ARHGAP9: variants seen among roughly 807,000 people sequenced by gnomAD.
ARHGAP9 encodes rho GTPase-activating protein 9.
ARHGAP9 carries 76 observed loss-of-function variants against 87.3 expected under a neutral mutation model. That is an observed-to-expected ratio of 0.87 (90% CI 0.72 to 1.05). The LOEUF (loss-of-function observed/expected upper bound fraction) is 1.05, where lower values mean the gene tolerates loss of function less well. Ranked by LOEUF, ARHGAP9 falls within the 50% of genes least tolerant of loss-of-function variation. ARHGAP9 has a pLI of 0.00. For synonymous variants in ARHGAP9, 382 were observed against 394.9 expected, an observed-to-expected ratio of 0.97 and a Z score of 0.39; for missense variants, 941 against 960.5, an observed-to-expected ratio of 0.98 and a Z score of 0.27.
In ARHGAP9 at chr12:57,475,533, G is replaced by T. The variant is rs1280457526; in HGVS notation, c.1394C>A (p.Ser465Ter). 1 of 1,605,640 alleles carries T rather than the reference G, an allele frequency of 6.2e-7. No homozygotes were observed. The highest frequency in any genetic ancestry group is 1.1e-5 in the South Asian group (1 of 89,950). The change falls in exon 11 of 18, where the codon TCG becomes TAG. Residue 465 changes from serine (S) to a stop codon, truncating the protein, a stop_gained. Coordinates refer to ENST00000393791, the MANE Select transcript of ARHGAP9 (RefSeq NM_032496.4). LOFTEE classifies it high-confidence loss of function. ...CAGCAGCGGCTTGGACACCAGCTCC[G>T]ACTCCTCTTCTTCGTCCTCCCCGGC... ...LSAGEDEEEE[S>*]ELVSKPLLRL...
In ARHGAP9 at chr12:57,488,727, C is replaced by T. The variant is rs550591262; in HGVS notation, c.-319G>A. The T allele has an allele frequency of 4.3e-6, 6 of 1,398,956 alleles. No homozygotes were observed. The African/African-American group carries it at 5.7e-5, about 13-fold the overall frequency. 86.7% of individuals were successfully genotyped at this position (1,398,956 alleles called of 1,614,324 possible). A position where few individuals can be genotyped will look rare whatever the true frequency, so the allele number is the denominator to read the frequency against. On this transcript the variant is annotated 5_prime_UTR_variant, in exon 1 of 21. Coordinates refer to the ARHGAP9 transcript ENST00000393797. The stretch of plus-strand genomic sequence containing the variant: ...GACCTTCAGATAATTATGAAGATAT[C>T]CCAGTTACTTTCAGTCGTTAAGTTC...
Position 57,474,457 on chromosome 12 carries a change from A to G in ARHGAP9, c.1749T>C (p.Asp583=), listed in dbSNP as rs369681835. The G allele has an allele frequency of 6.2e-7, 1 of 1,614,196 alleles. No homozygotes were observed. ...GCTGTTCTGGGAACACATACCTCCC[A>G]TCGGAGGTGACCGCACGCTCTGCAA... is the stretch of plus-strand genomic sequence containing the variant. The part of the protein sequence containing the change: ...LVDRERAVTS[D]GRYVFPEQPG... The change falls in exon 15 of 18, where the codon GAT becomes GAC. Residue 583 remains aspartate (D), a synonymous_variant. Coordinates refer to ENST00000393791, the MANE Select transcript of ARHGAP9 (RefSeq NM_032496.4).
At chr12:57,486,935 C>T (rs1449338285) in intron 1 of ARHGAP9, among the ~76,000 whole-genome samples, 2 of 150,736 alleles carry the variant, frequency 1.3e-5, no homozygotes, top group Non-Finnish European at 3.0e-5. Context: ...GATGAGACGT[C>T]GAGCTGTATA....
In ARHGAP9 at chr12:57,475,329, G is replaced by A; in HGVS notation, c.1514C>T (p.Pro505Leu). The stretch of plus-strand genomic sequence containing the variant: ...CCGCTCCTGCAGGCTTTGTAAGGGC[G>A]GTCTCTTCGCGATGAGCCGCTTTAG... ...NKLKRLIAKR[P>L]PLQSLQERGL... The change falls in exon 12 of 18, where the codon CCG (proline) becomes CTG (leucine). Residue 505 changes from proline (P) to leucine (L), a missense_variant. Transcript: ENST00000393791. 6.2e-7 allele frequency: 1 copy of A among 1,602,454 alleles called. No individual in the cohort carries two copies. The highest frequency in any genetic ancestry group is 8.5e-7 in the Non-Finnish European group (1 of 1,174,286).
At chr12:57,477,345 G>C (rs1377338786) in intron 4 of ARHGAP9, 76 bp from the exon 5 acceptor site, 1 of 1,511,896 alleles carries the variant, frequency 6.6e-7, no homozygotes, top group Non-Finnish European at 9.0e-7. Flanking sequence ...TCTTATACTT[G>C]GCTGATTCTT....
chr12:57,473,561 C>T (rs1779257850), intron 17 of ARHGAP9, 42 bp downstream of exon 17: 3 of 1,566,396 alleles, frequency 1.9e-6, no homozygotes, highest in African/African-American at 1.4e-5. Context: ...TTCCCCACTC[C>T]ACCTTTCCCC....
intron 3 of ARHGAP9, chr12:57,478,002 C>A: frequency 8.6e-7 from 1 of 1,164,330 alleles, no homozygotes; most frequent in South Asian, 1.6e-5. Context: ...GTGCCCCACC[C>A]TCACATCCTG....
chr12:57,486,741 C>T (rs1875440936), intron 1 of ARHGAP9, among the ~76,000 whole-genome samples: 2 of 149,038 alleles, frequency 1.3e-5, no homozygotes, highest in African/African-American at 2.4e-5. Context: ...AAAAATTAGC[C>T]GAGCGTGGTG....
chr12:57,479,667 G>T, intron 1 of ARHGAP9, 63 bp downstream of exon 1: 1 of 1,550,488 alleles, frequency 6.4e-7, no homozygotes, highest in Non-Finnish European at 8.7e-7. Flanking sequence ...CAGCAGGGCT[G>T]CATGGCCAGC....
rs1872151264 is a variant in ARHGAP9, at chr12:57,472,482, AC to A, written c.*34del. On this transcript the variant is annotated 3_prime_UTR_variant, in exon 18 of 18. Transcript: ENST00000393791. ...CACCAGCCTCTCACCACCAGAGATG[AC>A]CGGAAATATGTTTTCTCTTCTTCCT... is the stretch of plus-strand genomic sequence containing the variant. 1 of 1,606,948 alleles carries A rather than the reference AC, an allele frequency of 6.2e-7. No individual in the cohort carries two copies. The highest frequency in any genetic ancestry group is 1.3e-5 in the African/African-American group (1 of 74,780).
Position 57,477,541 on chromosome 12 carries a change from G to A in ARHGAP9, c.674C>T (p.Pro225Leu), listed in dbSNP as rs1234357730. The A allele has an allele frequency of 1.2e-6, 2 of 1,613,860 alleles. No individual in the cohort carries two copies. Among genetic ancestry groups the A allele is most frequent in the South Asian group, 1.1e-5 (1 of 91,076 alleles). Residue 225 changes from proline (P) to leucine (L), a missense_variant, in exon 4 of 18, where the codon CCC (proline) becomes CTC (leucine). Transcript: ENST00000393791. ...RLDAWEQHLD[P>L]NSGRCFYINS... is the part of the protein sequence containing the mutation. ...TATGTAGAAGCAGCGTCCAGAGTTG[G>A]GGTCCAGGTGCTGCTCCCAGGCATC...
chr12:57,487,090 G>A (rs1389773752), intron 1 of ARHGAP9, among the ~76,000 whole-genome samples: 1 of 150,742 alleles, frequency 6.6e-6, no homozygotes, highest in African/African-American at 2.4e-5. Flanking sequence ...GATTTTTTTT[G>A]CCTCAGTCTC....
At chr12:57,477,830 T>A in intron 3 of ARHGAP9, 150 bp from the exon 4 acceptor site, 1 of 1,483,574 alleles carries the variant, frequency 6.7e-7, no homozygotes, top group South Asian at 1.3e-5. Context: ...GGGAGAAACC[T>A]CAGGCCCCAG....
intron 1 of ARHGAP9, chr12:57,488,292 T>A: frequency 3.4e-6 from 4 of 1,186,398 alleles, no homozygotes; most frequent in Admixed American, 3.8e-5. Flanking sequence ...CCCCTAGCCC[T>A]CGCCACACAC....
In ARHGAP9 at chr12:57,475,538, CTCT is replaced by C. The variant is rs1162623375; in HGVS notation, c.1386_1388del (p.Glu464del). On this transcript the variant is annotated inframe_deletion, in exon 11 of 18. Coordinates refer to ENST00000393791, the MANE Select transcript of ARHGAP9 (RefSeq NM_032496.4). ...GCGGCTTGGACACCAGCTCCGACTCCTCTTCTTCGTCCTCCCCGGCGCTCAGCT... is the reference window on the plus strand; with the variant it reads ...GCGGCTTGGACACCAGCTCCGACTCCTCTTCGTCCTCCCCGGCGCTCAGCT... The C allele has an allele frequency of 1.2e-6, 2 of 1,607,484 alleles. No individual in the cohort carries two copies. The highest frequency in any genetic ancestry group is 1.7e-6 in the Non-Finnish European group (2 of 1,177,702).
rs10715375 is a variant in ARHGAP9, at chr12:57,487,850, CA to C, written c.-204+761del. 52,333 of 181,874 alleles carry C rather than the reference CA, an allele frequency of 0.29. 4,508 individuals carry two copies. Among genetic ancestry groups the C allele is most frequent in the Admixed American group, 0.39 (3,645 of 9,252 alleles). The allele number at this position is 181,874 out of a possible 1,614,324, so 11.3% of individuals were successfully genotyped here. ...GGTGACAGAGGGAGACGCCCTCTCA[CA>C]AAAAAAAAAAAAAAAAAAAAAAAGT... On this transcript the variant is annotated intron_variant, in intron 1 of 20. Coordinates refer to the ARHGAP9 transcript ENST00000393797.
chr12:57,477,459 C>A lies in ARHGAP9; in HGVS notation c.756G>T (p.Thr252=). ...WKPPRRSRSE[T]NPGSMEGTQT... ...GGAGAAGCAGGAGGTAAGGTCTCAC[C>A]GTCTCGCTGCGACTGCGGCGCGGGG... The change falls in exon 4 of 18, where the codon ACG becomes ACT. Residue 252 remains threonine (T), a splice_region_variant and synonymous_variant. Transcript: ENST00000393791. 1 of 1,613,890 alleles carries A rather than the reference C, an allele frequency of 6.2e-7. No homozygotes were observed. The highest frequency in any genetic ancestry group is 8.5e-7 in the Non-Finnish European group (1 of 1,179,882).
chr12:57,481,406 A>G (rs1485054413), upstream of ARHGAP9, among the ~76,000 whole-genome samples: 1 of 151,952 alleles, frequency 6.6e-6, no homozygotes, highest in Non-Finnish European at 1.5e-5. Context: ...GCCTGCCACT[A>G]TGCCCGCTAT....
At position 57,477,580 on chromosome 12, in the gene ARHGAP9, A is replaced by T. The variant is rs1874220469; in HGVS notation, c.635T>A (p.Leu212Gln). ...CTCCCAGGCATCCAGCCTCTGCAGC[A>T]GGGGGCATGCAGGGCCTGGGGGTGG... ...RSPPPGPACP[L>Q]LQRLDAWEQH... The change falls in exon 4 of 18, where the codon CTG becomes CAG. Residue 212 changes from leucine to glutamine, a missense_variant. Leu to Gln is a moderately radical substitution (Grantham distance 113, BLOSUM62 -2). Coordinates refer to ENST00000393791, the MANE Select transcript of ARHGAP9 (RefSeq NM_032496.4). The T allele has an allele frequency of 6.2e-7, 1 of 1,613,168 alleles. No homozygotes were observed. Among genetic ancestry groups the T allele is most frequent in the African/African-American group, 1.3e-5 (1 of 74,972 alleles).
Sources: gnomAD v4.1 joint callset for allele counts (sites outside exome capture counted in the v4.1 genomes callset) on GRCh38, gnomAD v4.1.1 for gene constraint, MANE v1.5 for transcripts, NCBI Gene and HGNC (gene_info 2026-07-23, HGNC 2026-07-21) for gene names.